DSCAM: variants seen among roughly 807,000 people sequenced by gnomAD.
DSCAM encodes the protein DS cell adhesion molecule, also known as cell adhesion molecule DSCAM.
In DSCAM, 47 loss-of-function variants were observed where a neutral mutation model predicts 217.7. The observed-to-expected ratio is 0.22, with a 90% CI of 0.17 to 0.28. The LOEUF is 0.28. Ranked by LOEUF, DSCAM falls within the 10% of genes least tolerant of loss-of-function variation. DSCAM has a pLI of 1.00. For missense variants in DSCAM, 2,080 were observed against 2,618.3 expected, an observed-to-expected ratio of 0.79 and a Z score of 4.49; for synonymous variants, 1,056 against 1,015.3, an observed-to-expected ratio of 1.04 and a Z score of -0.76.
intron 3 of DSCAM, among the ~76,000 whole-genome samples, chr21:40,408,449 C>T (rs758267348): frequency 5.9e-5 from 9 of 152,000 alleles, no homozygotes; most frequent in Non-Finnish European, 1.2e-4. Flanking sequence ...GGTTATGAGA[C>T]ATTTGCTGGA....
intron 27 of DSCAM, among the ~76,000 whole-genome samples, chr21:40,063,179 C>A (rs930691906): frequency 2.0e-5 from 3 of 152,156 alleles, no homozygotes; most frequent in Non-Finnish European, 2.9e-5. Context: ...CCTACAGTCA[C>A]TTCTAGGAAA....
At chr21:40,658,653 G>A (rs1019711258) in intron 3 of DSCAM, among the ~76,000 whole-genome samples, 10 of 152,100 alleles carry the variant, frequency 6.6e-5, no homozygotes, top group African/African-American at 2.2e-4. Context: ...AGAAGACTAC[G>A]GTCCCCTTGG....
At chr21:40,206,414 G>A (rs1195274862) in intron 11 of DSCAM, among the ~76,000 whole-genome samples, 2 of 152,100 alleles carry the variant, frequency 1.3e-5, no homozygotes, top group Non-Finnish European at 2.9e-5. Context: ...CTGTGGAGCT[G>A]ACTCAGTGGG....
chr21:40,601,396 T>C (rs1029666731), intron 3 of DSCAM, among the ~76,000 whole-genome samples: 3 of 152,230 alleles, frequency 2.0e-5, no homozygotes, highest in Admixed American at 2.0e-4. Flanking sequence ...ACTTATTAAT[T>C]CCAGAAATTT....
chr21:40,605,776 T>C (rs1693567548), intron 3 of DSCAM, among the ~76,000 whole-genome samples: 1 of 149,986 alleles, frequency 6.7e-6, no homozygotes, highest in South Asian at 2.1e-4. Context: ...CTTATATATG[T>C]GCTTAATGCA....
At chr21:40,574,402 A>G (rs1248708940) in intron 3 of DSCAM, among the ~76,000 whole-genome samples, 1 of 152,212 alleles carries the variant, frequency 6.6e-6, no homozygotes, top group East Asian at 1.9e-4. Context: ...ATGTAGAAAA[A>G]GCATTTGACA....
chr21:40,521,371 C>A (rs937253254), intron 3 of DSCAM, among the ~76,000 whole-genome samples: 4 of 152,178 alleles, frequency 2.6e-5, no homozygotes, highest in African/African-American at 9.7e-5. Context: ...TTTATTCCCA[C>A]CCACAGTGTG....
Position 40,026,443 on chromosome 21 carries a change from C to T in DSCAM, c.5687-13057G>A, listed in dbSNP as rs112832513. ...GGGTATCCTTGTTGACTTTCTGTCT[C>T]GTTGATCTGTCTAATGTTGACAGTG... On this transcript the variant is annotated intron_variant, in intron 32 of 32. Transcript: ENST00000400454. 8.6e-5 allele frequency among the ~76,000 whole-genome samples: 12 copies of T among 140,238 alleles called. No homozygotes were observed. In the South Asian group the frequency reaches 1.5e-3, roughly 18 times the overall value. The allele number at this position is 140,238 out of a possible 152,430, so 92.0% of individuals were successfully genotyped here.
In DSCAM at chr21:40,038,749, A is replaced by G. The variant is rs2088681243; in HGVS notation, c.5686+3622T>C. On this transcript the variant is annotated intron_variant, in intron 32 of 32. Transcript: ENST00000400454. ...TTATTGTGGCATTATTCACAATAGC[A>G]AAGACTTGGAACCAACCCAAATGTC... Among the ~76,000 whole-genome samples, 4 of 145,928 alleles carry G rather than the reference A, an allele frequency of 2.7e-5. No individual in the cohort carries two copies. In the South Asian group the frequency reaches 9.3e-4, roughly 34 times the overall value.
intron 11 of DSCAM, among the ~76,000 whole-genome samples, chr21:40,202,312 T>C (rs985249101): frequency 6.6e-6 from 1 of 152,250 alleles, no homozygotes; most frequent in African/African-American, 2.4e-5. Flanking sequence ...TTCTAACTTT[T>C]GAGCAGCTGC....
intron 3 of DSCAM, among the ~76,000 whole-genome samples, chr21:40,597,129 C>G (rs1424235706): frequency 6.6e-6 from 1 of 152,168 alleles, no homozygotes; most frequent in Non-Finnish European, 1.5e-5. Context: ...ATAAAACACA[C>G]TCTCAATAAA....
chr21:40,604,963 A>G (rs1454102025), intron 3 of DSCAM, among the ~76,000 whole-genome samples: 1 of 152,150 alleles, frequency 6.6e-6, no homozygotes, highest in Admixed American at 6.5e-5. Flanking sequence ...AAGTTGGACA[A>G]TGTTCTGGTA....
intron 10 of DSCAM, among the ~76,000 whole-genome samples, chr21:40,281,676 T>C (rs954022757): frequency 6.6e-6 from 1 of 152,230 alleles, no homozygotes; most frequent in Non-Finnish European, 1.5e-5. Context: ...TCTGCATCAA[T>C]GCTATACATC....
chr21:40,469,013 A>G (rs180753865), intron 3 of DSCAM, among the ~76,000 whole-genome samples: 1 of 152,186 alleles, frequency 6.6e-6, no homozygotes, highest in East Asian at 1.9e-4. Context: ...TGCCCAGCAC[A>G]CTACAGCCAC....
intron 3 of DSCAM, among the ~76,000 whole-genome samples, chr21:40,473,018 TC>T (rs2075902150): frequency 6.6e-6 from 1 of 152,124 alleles, no homozygotes; most frequent in Non-Finnish European, 1.5e-5. Context: ...AAGCGGACGG[TC>T]CATACGGGGC....
At chr21:40,195,971 AT>A (rs1380240521) in intron 11 of DSCAM, among the ~76,000 whole-genome samples, 1 of 152,226 alleles carries the variant, frequency 6.6e-6, no homozygotes, top group Non-Finnish European at 1.5e-5. Context: ...TGTTATCAAG[AT>A]TTACTGAATA....
chr21:40,343,634 CAATT>C (rs2074523225), intron 6 of DSCAM, among the ~76,000 whole-genome samples: 1 of 151,858 alleles, frequency 6.6e-6, no homozygotes, highest in African/African-American at 2.4e-5. Context: ...AGATAAGCTC[CAATT>C]GATTTACACA....
At chr21:40,535,943 T>A (rs1457920070) in intron 3 of DSCAM, among the ~76,000 whole-genome samples, 1 of 152,166 alleles carries the variant, frequency 6.6e-6, no homozygotes, top group African/African-American at 2.4e-5. Context: ...TTGAGAAGTA[T>A]TTATAGGCAA....
intron 3 of DSCAM, among the ~76,000 whole-genome samples, chr21:40,458,958 G>A (rs551105594): frequency 2.0e-4 from 30 of 151,986 alleles, no homozygotes; most frequent in African/African-American, 7.0e-4. Flanking sequence ...GTAGAACCTA[G>A]GTAAAATGTT....
Sources: gnomAD v4.1 joint callset for allele counts (sites outside exome capture counted in the v4.1 genomes callset) on GRCh38, gnomAD v4.1.1 for gene constraint, MANE v1.5 for transcripts, NCBI Gene and HGNC (gene_info 2026-07-23, HGNC 2026-07-21) for gene names.